The following SEZ6 variants were observed in gnomAD, a reference collection of about 807,000 sequenced individuals.
The protein encoded by SEZ6 is seizure protein 6 homolog.
SEZ6 carries 53 observed loss-of-function variants against 101.0 expected under a neutral mutation model. That is an observed-to-expected ratio of 0.52 (90% confidence interval 0.42 to 0.66). The LOEUF (loss-of-function observed/expected upper bound fraction) is 0.66. Ranked by LOEUF, SEZ6 falls within the 30% of genes least tolerant of loss-of-function variation. The pLI is 0.00. For synonymous variants in SEZ6, 488 were observed against 512.2 expected (o/e 0.95, Z 0.64); for missense variants, 1,102 against 1,289.4 (o/e 0.85, Z 2.23).
intron 1 of SEZ6, among the ~76,000 whole-genome samples, chr17:28,997,172 G>A (rs2041554233): frequency 6.6e-6 from 1 of 152,072 alleles, no homozygotes; most frequent in South Asian, 2.1e-4. Context: ...ATTGAGGGAA[G>A]GGGGCCAAGG....
intron 14 of SEZ6, 30 bp downstream of exon 14, chr17:28,956,689 A>C: frequency 1.3e-6 from 2 of 1,555,782 alleles, no homozygotes; most frequent in Non-Finnish European, 1.7e-6. Flanking sequence ...CAGGGAGACC[A>C]CTTCTCTGGC....
rs1345812283 is a variant in SEZ6, at chr17:28,960,634, G to T, written c.1447C>A (p.Pro483Thr). 1.3e-6 allele frequency: 2 copies of T among 1,596,926 alleles called. No homozygotes were observed. The highest frequency in any genetic ancestry group is 2.7e-5 in the African/African-American group (2 of 74,522). ...TCCACCTCATAGGAATCATACACTGGTGGGGCCTCCACGTTGTCCCCATTG... is the reference window on the plus strand; with the variant it reads ...TCCACCTCATAGGAATCATACACTGTTGGGGCCTCCACGTTGTCCCCATTG... ...IRNGDNVEAPPVYDSYEVEYL... is the reference protein window; with the variant it reads ...IRNGDNVEAPTVYDSYEVEYL... The change falls in exon 7 of 17, where the codon CCA becomes ACA. Residue 483 changes from proline (P) to threonine (T), a missense_variant. Around this residue, in one of 3 missense-constraint regions of SEZ6, gnomAD observed 556 missense variants for 735.1 expected, o/e 0.76. Coordinates refer to ENST00000317338, the MANE Select transcript of SEZ6 (RefSeq NM_178860.5).
chr17:28,969,638 T>C (rs2152686252), intron 4 of SEZ6, 119 bp downstream of exon 4: 2 of 930,316 alleles, frequency 2.1e-6, no homozygotes, highest in Non-Finnish European at 3.0e-6. Context: ...ATTTGTGCTA[T>C]GTGTCACTAG....
Position 28,955,685 on chromosome 17 carries a change from G to C in SEZ6, c.*277C>G. ...CATGAGGAGGCTCAGGATGCTGGCT[G>C]TTGATGCTTGTGCTCCAGCTATGTT... On this transcript the variant is annotated 3_prime_UTR_variant, in exon 17 of 17. Transcript: ENST00000317338. 1.5e-6 allele frequency: 1 copy of C among 650,080 alleles called. No individual in the cohort carries two copies. The allele number at this position is 650,080 out of a possible 1,614,324, so 40.3% of individuals were successfully genotyped here.
intron 1 of SEZ6, among the ~76,000 whole-genome samples, chr17:28,985,819 C>T (rs2041372115): frequency 6.6e-6 from 1 of 152,256 alleles, no homozygotes; most frequent in East Asian, 1.9e-4. Context: ...GGGCGACCAC[C>T]TTCAAGGCCC....
chr17:28,963,151 G>C (rs1354261285), intron 5 of SEZ6, among the ~76,000 whole-genome samples: 2 of 150,244 alleles, frequency 1.3e-5, no homozygotes, highest in Non-Finnish European at 3.0e-5. Flanking sequence ...AAAAGCCCAA[G>C]TTGCTTTTCA....
chr17:28,965,667 A>G (rs1459318216), intron 4 of SEZ6, among the ~76,000 whole-genome samples: 1 of 152,096 alleles, frequency 6.6e-6, no homozygotes, highest in Non-Finnish European at 1.5e-5. Flanking sequence ...AACAAGAAAA[A>G]GATGGGGACG....
In SEZ6 at chr17:29,005,985, A is replaced by C; in HGVS notation, c.-116T>G. 1 of 875,636 alleles carries C rather than the reference A, an allele frequency of 1.1e-6. No homozygotes were observed. The highest frequency in any genetic ancestry group is 1.5e-6 in the Non-Finnish European group (1 of 668,514). 54.2% of individuals were successfully genotyped at this position (875,636 alleles called of 1,614,324 possible). A position where few individuals can be genotyped will look rare whatever the true frequency, so the allele number is the denominator to read the frequency against. On this transcript the variant is annotated 5_prime_UTR_variant, in exon 1 of 17. Coordinates refer to ENST00000317338, the MANE Select transcript of SEZ6 (RefSeq NM_178860.5). The surrounding 1 kb of genome is among the most constrained non-coding windows in gnomAD (Gnocchi z 4.8). ...GGCCGGGTAGAGGGAGCGGGGCCGC[A>C]GCCGTCACCGCCGCTGCCGCCGCCA...
intron 1 of SEZ6, among the ~76,000 whole-genome samples, chr17:29,004,321 G>A (rs1274919553): frequency 1.3e-5 from 2 of 152,164 alleles, no homozygotes; most frequent in African/African-American, 2.4e-5. Context: ...GAATTCCTAG[G>A]GACATCCCCA....
intron 2 of SEZ6, among the ~76,000 whole-genome samples, 184 bp downstream of exon 2, chr17:28,981,187 T>C (rs1378585598): frequency 6.6e-6 from 1 of 152,244 alleles, no homozygotes; most frequent in Admixed American, 6.5e-5. Flanking sequence ...TGAGCCACTG[T>C]ACTTGGCTGA....
At chr17:28,983,521 T>C (rs986108145) in intron 1 of SEZ6, among the ~76,000 whole-genome samples, 1 of 152,174 alleles carries the variant, frequency 6.6e-6, no homozygotes, top group Non-Finnish European at 1.5e-5. Context: ...ATTTGCTATC[T>C]CTGGTCTGAG....
intron 1 of SEZ6, among the ~76,000 whole-genome samples, chr17:28,989,799 G>A (rs1000064334): frequency 6.6e-6 from 1 of 152,190 alleles, no homozygotes; most frequent in Non-Finnish European, 1.5e-5. Flanking sequence ...CAGGTGCGGT[G>A]GCTCACACCT....
chr17:29,001,988 G>T (rs1046692016), intron 1 of SEZ6, among the ~76,000 whole-genome samples: 6 of 152,196 alleles, frequency 3.9e-5, no homozygotes, highest in Admixed American at 2.0e-4. Context: ...GGGTATATGT[G>T]AGATCACATG....
At chr17:28,976,021 C>T (rs930436847) in intron 3 of SEZ6, among the ~76,000 whole-genome samples, 2 of 152,236 alleles carry the variant, frequency 1.3e-5, no homozygotes, top group African/African-American at 4.8e-5. Context: ...CATGCCCATC[C>T]ATCCTGAAGG....
chr17:28,977,534 A>C (rs2041238107), intron 3 of SEZ6, among the ~76,000 whole-genome samples: 1 of 152,224 alleles, frequency 6.6e-6, no homozygotes. Context: ...AAAGAAAAAA[A>C]ATGTGGCAGC....
chr17:28,959,244 C>T lies in SEZ6; in HGVS notation c.1911-23G>A. On this transcript the variant is annotated intron_variant, in intron 9 of 16. Coordinates refer to ENST00000317338, the MANE Select transcript of SEZ6 (RefSeq NM_178860.5). The surrounding 1 kb of genome is among the most constrained non-coding windows in gnomAD (Gnocchi z 4.4). ...AGCCTGTGAAGGAGGAGCGTCAGGGCAGAGCCGGCCTGGGGGCCCGAGGAT... is the reference window on the plus strand; with the variant it reads ...AGCCTGTGAAGGAGGAGCGTCAGGGTAGAGCCGGCCTGGGGGCCCGAGGAT... 3 of 1,612,264 alleles carry T rather than the reference C, an allele frequency of 1.9e-6. No homozygotes were observed. Among genetic ancestry groups the T allele is most frequent in the Non-Finnish European group, 2.5e-6 (3 of 1,178,918 alleles).
intron 4 of SEZ6, among the ~76,000 whole-genome samples, chr17:28,965,713 TG>T (rs1329282435): frequency 2.0e-5 from 3 of 152,108 alleles, no homozygotes. Context: ...TCATGGAAGT[TG>T]GGGAAAGAAC....
chr17:28,970,202 G>T (rs553041554), intron 3 of SEZ6, among the ~76,000 whole-genome samples: 1 of 152,294 alleles, frequency 6.6e-6, no homozygotes, highest in Admixed American at 6.5e-5. Flanking sequence ...AGCAGAACTG[G>T]GGTTTGTAAA....
chr17:28,955,326 G>A lies in SEZ6; in HGVS notation c.*636C>T. 3.9e-6 allele frequency: 1 copy of A among 256,496 alleles called. No homozygotes were observed. The highest frequency in any genetic ancestry group is 9.7e-5 in the East Asian group (1 of 10,262). 15.9% of individuals were successfully genotyped at this position (256,496 alleles called of 1,614,324 possible). ...TTGGTGTGGAGCATGAGTGCCCAGG[G>A]AAGCCCAACCTGAGGTGGGGGTAGG... is the stretch of plus-strand genomic sequence containing the variant. On this transcript the variant is annotated 3_prime_UTR_variant, in exon 17 of 17. Transcript: ENST00000317338.
Sources: allele counts gnomAD v4.1 joint callset (sites outside exome capture counted in the v4.1 genomes callset), GRCh38; gene constraint gnomAD v4.1.1; regional missense constraint gnomAD v4.1.1; non-coding constraint Gnocchi (gnomAD v3.1); transcripts MANE v1.5; gene names NCBI Gene and HGNC (gene_info 2026-07-23, HGNC 2026-07-21).